The following PDE4D variants were observed in gnomAD, a reference collection of about 807,000 sequenced individuals.
PDE4D encodes phosphodiesterase 4D.
In PDE4D, 24 loss-of-function variants were observed where a neutral mutation model predicts 87.4. The observed-to-expected ratio is 0.27, with a 90% CI of 0.20 to 0.39. The LOEUF (loss-of-function observed/expected upper bound fraction) is 0.39. Among genes scored for constraint, PDE4D ranks in the 10% least tolerant of loss-of-function variants. The pLI is 1.00. For missense variants in PDE4D, 714 were observed against 1,041.0 expected (o/e 0.69, Z 4.32); for synonymous variants, 384 against 383.2 (o/e 1.00, Z -0.02).
chr5:59,106,079 G>C (rs1236725755), intron 5 of PDE4D, among the ~76,000 whole-genome samples: 1 of 152,128 alleles, frequency 6.6e-6, no homozygotes, highest in African/African-American at 2.4e-5. Context: ...ATATATAATT[G>C]GGTTTCTCAA....
intron 5 of PDE4D, among the ~76,000 whole-genome samples, chr5:59,068,235 T>C (rs7712076): frequency 0.045 from 6,842 of 152,240 alleles, 520 homozygotes; most frequent in African/African-American, 0.16. Context: ...TAGATTTCAT[T>C]TGATTTAACA....
At chr5:59,369,355 T>G (rs1452168957) in intron 1 of PDE4D, among the ~76,000 whole-genome samples, 1 of 152,192 alleles carries the variant, frequency 6.6e-6, no homozygotes, top group Non-Finnish European at 1.5e-5. Context: ...GAATAGTATA[T>G]CAATCTCCTT....
In PDE4D at chr5:59,346,006, A is replaced by G. The variant is rs1779551915; in HGVS notation, c.456-130038T>C. Among the ~76,000 whole-genome samples, 2 of 152,236 alleles carry G rather than the reference A, an allele frequency of 1.3e-5. 1 individual carries two copies. On this transcript the variant is annotated intron_variant, in intron 1 of 14. Transcript: ENST00000340635. ...AACACTAGAATAAGTAAATTGTAGC[A>G]TATTCATTTGGTGCAATACTAACAA...
At chr5:59,044,755 T>C (rs956566551) in intron 5 of PDE4D, among the ~76,000 whole-genome samples, 3 of 152,242 alleles carry the variant, frequency 2.0e-5, no homozygotes, top group African/African-American at 7.2e-5. Flanking sequence ...TTTAAAATTG[T>C]ATAAAATATA....
intron 1 of PDE4D, among the ~76,000 whole-genome samples, chr5:59,646,785 C>CA (rs1232806559): frequency 6.6e-6 from 1 of 152,102 alleles, no homozygotes; most frequent in African/African-American, 2.4e-5. Context: ...CCTGTAATTC[C>CA]AGCACTTTGG....
intron 1 of PDE4D, among the ~76,000 whole-genome samples, chr5:59,692,177 C>A (rs192941942): frequency 1.3e-5 from 2 of 152,006 alleles, no homozygotes; most frequent in Non-Finnish European, 2.9e-5. Context: ...ATTGATAGTG[C>A]AATTAGTTAA....
At chr5:60,248,123 T>A (rs1037356718) in intron 1 of PDE4D, among the ~76,000 whole-genome samples, 8 of 152,004 alleles carry the variant, frequency 5.3e-5, no homozygotes, top group Non-Finnish European at 1.0e-4. Flanking sequence ...GAGAAAGTCA[T>A]GGGTGCATGT....
chr5:59,931,287 A>C (rs1275817811), intron 3 of PDE4D, among the ~76,000 whole-genome samples: 3 of 152,218 alleles, frequency 2.0e-5, no homozygotes, highest in Non-Finnish European at 4.4e-5. Context: ...TATTTGTTTT[A>C]AGGCTTTATT....
At chr5:60,182,593 T>TTGCA (rs1784452078) in intron 2 of PDE4D, among the ~76,000 whole-genome samples, 1 of 151,750 alleles carries the variant, frequency 6.6e-6, no homozygotes. Context: ...GATCCCGGCA[T>TTGCA]TGCACTCCAG....
intron 2 of PDE4D, among the ~76,000 whole-genome samples, chr5:60,082,633 A>G (rs186207417): frequency 6.6e-6 from 1 of 152,178 alleles, no homozygotes; most frequent in African/African-American, 2.4e-5. Context: ...TTGTGCTCAC[A>G]ACTCACTGGC....
intron 2 of PDE4D, among the ~76,000 whole-genome samples, chr5:60,116,008 T>C (rs1475787110): frequency 6.6e-6 from 1 of 152,138 alleles, no homozygotes; most frequent in African/African-American, 2.4e-5. Flanking sequence ...GGTTATGCTT[T>C]GTAGTAAACA....
chr5:59,484,964 T>C (rs566927234), intron 1 of PDE4D, among the ~76,000 whole-genome samples: 1 of 152,294 alleles, frequency 6.6e-6, no homozygotes, highest in South Asian at 2.1e-4. Flanking sequence ...AACCAATTAG[T>C]TAAGCAATCC....
intron 1 of PDE4D, chr5:60,262,460 A>C (rs1300774127): frequency 6.6e-6 from 1 of 152,268 alleles, no homozygotes; most frequent in East Asian, 1.9e-4. Flanking sequence ...TAAAGCAGGG[A>C]TCCTGGTAGT....
chr5:59,632,833 G>A (rs550263025), intron 1 of PDE4D, among the ~76,000 whole-genome samples: 24 of 152,246 alleles, frequency 1.6e-4, no homozygotes, highest in South Asian at 4.1e-4. Context: ...CTTCTTCTCC[G>A]AAGGATCACA....
chr5:59,929,233 AG>A (rs1214619109), intron 3 of PDE4D, among the ~76,000 whole-genome samples: 9 of 152,198 alleles, frequency 5.9e-5, no homozygotes, highest in Non-Finnish European at 1.2e-4. Context: ...AAGCAAGAAA[AG>A]TATAATATTG....
chr5:60,303,307 CTTTTTT>C (rs879522679), intron 1 of PDE4D, among the ~76,000 whole-genome samples: 3 of 127,828 alleles, frequency 2.3e-5, no homozygotes, highest in Non-Finnish European at 3.3e-5. Context: ...ATCTGGATTT[CTTTTTT>C]TTTTTTTTTT....
chr5:60,143,893 G>A (rs1224121442), intron 2 of PDE4D, among the ~76,000 whole-genome samples: 1 of 152,052 alleles, frequency 6.6e-6, no homozygotes, highest in Admixed American at 6.5e-5. Context: ...AGAGCTTGGT[G>A]GGCTCAGTGG....
intron 1 of PDE4D, among the ~76,000 whole-genome samples, chr5:59,751,635 A>G (rs1760497367): frequency 6.7e-6 from 1 of 148,794 alleles, no homozygotes; most frequent in African/African-American, 2.5e-5. Context: ...CGAGCGAGCA[A>G]GCGAGAGCAA....
At chr5:59,446,395 G>A (rs1190219930) in intron 1 of PDE4D, among the ~76,000 whole-genome samples, 6 of 152,062 alleles carry the variant, frequency 3.9e-5, no homozygotes, top group Non-Finnish European at 8.8e-5. Flanking sequence ...AGACATTTTT[G>A]ACATTCTCTT....
Sources: gnomAD v4.1 joint callset for allele counts (sites outside exome capture counted in the v4.1 genomes callset) on GRCh38, gnomAD v4.1.1 for gene constraint, MANE v1.5 for transcripts, NCBI Gene and HGNC (gene_info 2026-07-23, HGNC 2026-07-21) for gene names.